Variants in SULT2A1 observed in about 807,000 individuals in gnomAD.
The protein encoded by SULT2A1 is sulfotransferase 2A1.
A neutral mutation model predicts 33.9 loss-of-function variants in SULT2A1; 43 were observed. The observed-to-expected ratio is 1.27, with a 90% confidence interval of 1.00 to 1.64. The LOEUF is 1.64. Ranked by LOEUF, SULT2A1 falls within the 40% of genes most tolerant of loss-of-function variation. The probability of loss-of-function intolerance (pLI) is 0.00; values close to 1 mark genes in which losing one functional copy is unlikely to be tolerated. For synonymous variants in SULT2A1, 125 were observed against 113.6 expected, an observed-to-expected ratio of 1.10 and a Z score of -0.64; for missense variants, 300 against 335.1, an observed-to-expected ratio of 0.90 and a Z score of 0.82.
At chr19:47,880,397 G>A (rs558653214) in intron 3 of SULT2A1, among the ~76,000 whole-genome samples, 1 of 151,916 alleles carries the variant, frequency 6.6e-6, no homozygotes, top group Non-Finnish European at 1.5e-5. Flanking sequence ...GGGGATTATG[G>A]GGATTACAAT....
chr19:47,880,762 A>G (rs1021378927), intron 3 of SULT2A1, among the ~76,000 whole-genome samples: 14 of 151,642 alleles, frequency 9.2e-5, no homozygotes, highest in Non-Finnish European at 1.8e-4. Flanking sequence ...AATTTTTTGT[A>G]TTTTTAATAG....
chr19:47,876,128 G>C (rs992072417), intron 4 of SULT2A1, among the ~76,000 whole-genome samples: 5 of 152,132 alleles, frequency 3.3e-5, no homozygotes, highest in African/African-American at 1.2e-4. Context: ...CAATTCTCCT[G>C]TCTCAACCTC....
chr19:47,871,236 C>T lies in SULT2A1; in HGVS notation c.*219G>A, dbSNP rs899315038. ...CAGTCTCCTGACCTCGTGATCCGCC[C>T]GTCTCGGCCTCCCATAGTGCTGGGA... is the stretch of plus-strand genomic sequence containing the variant. On this transcript the variant is annotated 3_prime_UTR_variant, in exon 6 of 6. Transcript: ENST00000222002. 1.2e-4 allele frequency: 61 copies of T among 492,912 alleles called. No individual in the cohort carries two copies. Among genetic ancestry groups the T allele is most frequent in the African/African-American group, 1.0e-3 (51 of 50,722 alleles). 30.5% of individuals were successfully genotyped at this position (492,912 alleles called of 1,614,324 possible). A position where few individuals can be genotyped will look rare whatever the true frequency, so the allele number is the denominator to read the frequency against.
intron 2 of SULT2A1, among the ~76,000 whole-genome samples, chr19:47,882,716 A>C (rs1968615152): frequency 1.3e-5 from 2 of 151,982 alleles, no homozygotes; most frequent in South Asian, 4.2e-4. Flanking sequence ...GGAGTTCGAG[A>C]CCAGCCTGGC....
At chr19:47,875,708 G>A (rs934021222) in intron 4 of SULT2A1, among the ~76,000 whole-genome samples, 10 of 152,122 alleles carry the variant, frequency 6.6e-5, no homozygotes, top group African/African-American at 2.2e-4. Flanking sequence ...AAGGATCATC[G>A]TGGATTTTCC....
intron 3 of SULT2A1, among the ~76,000 whole-genome samples, chr19:47,880,245 A>AAC (rs1555804737): frequency 2.7e-5 from 4 of 150,426 alleles, no homozygotes; most frequent in African/African-American, 9.8e-5. Flanking sequence ...TCAAAAAAAA[A>AAC]AAAAAAAAAA....
intron 3 of SULT2A1, among the ~76,000 whole-genome samples, chr19:47,881,572 C>G (rs1269461175): frequency 6.6e-6 from 1 of 152,068 alleles, no homozygotes; most frequent in African/African-American, 2.4e-5. Flanking sequence ...CACATCACAG[C>G]TGAGATAGAG....
Position 47,871,204 on chromosome 19 carries a change from A to G in SULT2A1, c.*251T>C. On this transcript the variant is annotated 3_prime_UTR_variant, in exon 6 of 6. Coordinates refer to ENST00000222002, the MANE Select transcript of SULT2A1 (RefSeq NM_003167.4). The stretch of plus-strand genomic sequence containing the variant: ...ATGGGGTTTCACCGTGTTAGCCAGG[A>G]TGGTCTCAGTCTCCTGACCTCGTGA... The G allele has an allele frequency of 2.7e-6, 1 of 375,218 alleles. No homozygotes were observed. Among genetic ancestry groups the G allele is most frequent in the Non-Finnish European group, 4.8e-6 (1 of 209,194 alleles). The allele number at this position is 375,218 out of a possible 1,614,324, so 23.2% of individuals were successfully genotyped here. A position where few individuals can be genotyped will look rare whatever the true frequency, so the allele number is the denominator to read the frequency against.
At chr19:47,881,896 G>A (rs1454315930) in intron 3 of SULT2A1, among the ~76,000 whole-genome samples, 188 bp downstream of exon 3, 1 of 152,004 alleles carries the variant, frequency 6.6e-6, no homozygotes, top group African/African-American at 2.4e-5. Context: ...TTTATCATGG[G>A]GCAAGCTGAG....
At chr19:47,884,115 A>AT (rs1011997111) in intron 1 of SULT2A1, among the ~76,000 whole-genome samples, 105 of 150,500 alleles carry the variant, frequency 7.0e-4, no homozygotes, top group African/African-American at 2.5e-3. Context: ...AAAAAAAAAA[A>AT]CAAAAACAAA....
chr19:47,879,826 T>G (rs1968584788), intron 3 of SULT2A1, among the ~76,000 whole-genome samples: 2 of 150,392 alleles, frequency 1.3e-5, no homozygotes, highest in Admixed American at 6.6e-5. Flanking sequence ...ATACCTAATG[T>G]AAATGACGAG....
At position 47,882,118 on chromosome 19, in the gene SULT2A1, C is replaced by T. The variant is rs754560843; in HGVS notation, c.438G>A (p.Trp146Ter). 35 of 1,613,818 alleles carry T rather than the reference C, an allele frequency of 2.2e-5. 1 individual carries two copies. The South Asian group carries it at 3.2e-4, about 15-fold the overall frequency. Residue 146 changes from tryptophan (W) to a stop codon, truncating the protein, a stop_gained, in exon 3 of 6, where the codon TGG (tryptophan) becomes TGA (stop). Transcript: ENST00000222002. LOFTEE classifies it high-confidence loss of function. ...NMKFIKKPKS[W>*]EEYFEWFCQG... ...GACAAAACCATTCAAAATATTCTTC[C>T]CATGACTTTGGTTTCTTAATAAACT...
At position 47,885,030 on chromosome 19, in the gene SULT2A1, C is replaced by T. The variant is rs534433371; in HGVS notation, c.136+1092G>A. ...TTTGCCATGTTGGCCAGGCTGGTGTCGAACTCCTGACCTCAGGCAATCCAC... is the reference window on the plus strand; with the variant it reads ...TTTGCCATGTTGGCCAGGCTGGTGTTGAACTCCTGACCTCAGGCAATCCAC... On this transcript the variant is annotated intron_variant, in intron 1 of 5. Coordinates refer to ENST00000222002, the MANE Select transcript of SULT2A1 (RefSeq NM_003167.4). Among the ~76,000 whole-genome samples the T allele has an allele frequency of 8.6e-4, 131 of 152,116 alleles. 3 individuals are homozygous for T. The Middle Eastern group carries it at 0.014, about 16-fold the overall frequency.
chr19:47,873,913 G>A (rs565563213), intron 5 of SULT2A1, among the ~76,000 whole-genome samples: 7 of 151,464 alleles, frequency 4.6e-5, no homozygotes, highest in African/African-American at 7.3e-5. Context: ...ATGAGCCACC[G>A]CACCCGGCCC....
chr19:47,877,848 C>T (rs1293771364), intron 4 of SULT2A1, among the ~76,000 whole-genome samples: 1 of 152,200 alleles, frequency 6.6e-6, no homozygotes, highest in Non-Finnish European at 1.5e-5. Flanking sequence ...CTGAGCTTGG[C>T]CTCAAGTTGT....
chr19:47,884,396 T>A (rs184901931), intron 1 of SULT2A1, among the ~76,000 whole-genome samples: 82 of 151,508 alleles, frequency 5.4e-4, no homozygotes, highest in African/African-American at 1.9e-3. Context: ...GCCAGGATGG[T>A]CTCGATCTCC....
intron 1 of SULT2A1, 35 bp from the exon 2 acceptor site, chr19:47,883,820 C>T: frequency 6.3e-7 from 1 of 1,592,560 alleles, no homozygotes; most frequent in African/African-American, 1.3e-5. Flanking sequence ...ATAAAATGTA[C>T]CATCTCAGCC....
chr19:47,886,092 C>T (rs757466654), intron 1 of SULT2A1, 30 bp downstream of exon 1: 16 of 1,608,996 alleles, frequency 9.9e-6, no homozygotes, highest in Non-Finnish European at 1.4e-5. Context: ...CAACCACAGC[C>T]TTTCTCAGTT....
chr19:47,882,265 T>C, intron 2 of SULT2A1, 55 bp from the exon 3 acceptor site: 10 of 1,569,066 alleles, frequency 6.4e-6, no homozygotes, highest in Non-Finnish European at 8.6e-6. Flanking sequence ...CTCACTCTTT[T>C]TGATCTTCAC....
Sources: allele counts gnomAD v4.1 joint callset (sites outside exome capture counted in the v4.1 genomes callset), GRCh38; gene constraint gnomAD v4.1.1; transcripts MANE v1.5; gene names NCBI Gene and HGNC (gene_info 2026-07-23, HGNC 2026-07-21).